The following PABIR3 variants were observed in gnomAD, a reference collection of about 807,000 sequenced individuals.
PABIR3 encodes PABIR family member 1.
A neutral mutation model predicts 23.1 loss-of-function variants in PABIR3; 20 were observed. The ratio of observed to expected loss-of-function variants is 0.86; its 90% CI spans 0.61 to 1.26. PABIR3 has a LOEUF of 1.26. PABIR3 is among the 50% of genes most tolerant of loss of function. PABIR3 has a pLI of 0.00. For missense variants in PABIR3, 189 were observed against 195.4 expected (o/e 0.97, Z 0.20); for synonymous variants, 69 against 68.5 (o/e 1.01, Z -0.04).
At chrX:134,808,797 G>A (rs974495079) in intron 2 of PABIR3, among the ~76,000 whole-genome samples, 15 of 112,401 alleles carry the variant, frequency 1.3e-4, no homozygotes, top group African/African-American at 4.2e-4. Context: ...TATTACAGAC[G>A]TGAGCCACTG....
upstream of PABIR3, among the ~76,000 whole-genome samples, chrX:134,802,557 C>T (rs2080094991): frequency 8.9e-6 from 1 of 112,342 alleles, no homozygotes; most frequent in Non-Finnish European, 1.9e-5. Flanking sequence ...TCTGAGGCTG[C>T]TTGCTATCAC....
intron 4 of PABIR3, among the ~76,000 whole-genome samples, chrX:134,843,191 G>A (rs2082300363): frequency 9.1e-6 from 1 of 109,428 alleles, no homozygotes; most frequent in South Asian, 3.9e-4. Flanking sequence ...AGAGTGACAC[G>A]CCATCTCAGA....
intron 2 of PABIR3, 54 bp from the exon 3 acceptor site, chrX:134,814,717 A>AG (rs1206214187): frequency 1.0e-6 from 1 of 1,003,732 alleles, no homozygotes; most frequent in East Asian, 3.2e-5. Flanking sequence ...AAAAAAAAAA[A>AG]AAAGAATTTT....
chrX:134,828,047 C>CTCTCTCTCTCTATATATA (rs1466733144), intron 3 of PABIR3, among the ~76,000 whole-genome samples: 1 of 49,405 alleles, frequency 2.0e-5, no homozygotes, highest in African/African-American at 8.2e-5. Flanking sequence ...CTCTCTCTCT[C>CTCTCTCTCTCTATATATA]TATATATATA....
chrX:134,822,169 G>A, intron 3 of PABIR3: 1 of 753,911 alleles, frequency 1.3e-6, no homozygotes, highest in Non-Finnish European at 1.6e-6. Context: ...TTTCTTCCTG[G>A]AGTGTGAGAA....
At chrX:134,832,383 C>T (rs779112196) in intron 4 of PABIR3, among the ~76,000 whole-genome samples, 7 of 104,347 alleles carry the variant, frequency 6.7e-5, no homozygotes, top group African/African-American at 2.1e-4. Context: ...TTGCTACAAA[C>T]GACTGGATCC....
chrX:134,843,023 A>C (rs1001955787), intron 4 of PABIR3, among the ~76,000 whole-genome samples: 1 of 109,841 alleles, frequency 9.1e-6, no homozygotes, highest in African/African-American at 3.3e-5. Context: ...CAACACGTGA[A>C]GCCCCATCTC....
the PABIR3 span, among the ~76,000 whole-genome samples, chrX:134,861,713 G>C: frequency 9.6e-6 from 1 of 103,788 alleles, no homozygotes; most frequent in South Asian, 4.8e-4. Context: ...TGCTTTTAAA[G>C]GCAAAAACCG....
chrX:134,851,261 C>T (rs1460363906), intron 9 of PABIR3, among the ~76,000 whole-genome samples: 1 of 111,376 alleles, frequency 9.0e-6, no homozygotes, highest in Non-Finnish European at 1.9e-5. Context: ...ATGGGCCGGG[C>T]ACAGTGGCTC....
Position 134,813,454 on chromosome X carries a change from G to A in PABIR3, c.111-1317G>A, listed in dbSNP as rs61306819. Among the ~76,000 whole-genome samples the A allele has an allele frequency of 6.4e-3, 714 of 112,035 alleles. 2 individuals are homozygous for A. The highest frequency in any genetic ancestry group is 0.022 in the African/African-American group (678 of 30,872). ...AAGAATCAGGTGGTTATCAGAGAGCGAGTATAGAGGTAAAATCTAAAATAC... is the reference window on the plus strand; with the variant it reads ...AAGAATCAGGTGGTTATCAGAGAGCAAGTATAGAGGTAAAATCTAAAATAC... On this transcript the variant is annotated intron_variant, in intron 2 of 10. Coordinates refer to ENST00000645433, the MANE Select transcript of PABIR3 (RefSeq NM_001388447.1).
chrX:134,822,111 A>G, intron 3 of PABIR3: 1 of 753,304 alleles, frequency 1.3e-6, no homozygotes, highest in Non-Finnish European at 1.6e-6. Context: ...TCACACCATG[A>G]CATCATTCCT....
chrX:134,851,723 G>A (rs921714353), intron 9 of PABIR3, among the ~76,000 whole-genome samples: 1 of 111,830 alleles, frequency 8.9e-6, no homozygotes, highest in Non-Finnish European at 1.9e-5. Flanking sequence ...AAAGAGAGCT[G>A]AGTAGTTTTT....
rs1377342423 is a variant in PABIR3 at position 134,854,565 on chromosome X, T to C, written c.*348T>C. ...CTTATGAAACATAATTCTGATAAAA[T>C]ATAATTGTTCAATTAACAAAGTAAA... On this transcript the variant is annotated 3_prime_UTR_variant, in exon 11 of 11. Coordinates refer to ENST00000645433, the MANE Select transcript of PABIR3 (RefSeq NM_001388447.1). 7.3e-6 allele frequency: 1 copy of C among 137,579 alleles called. No individual in the cohort carries two copies. The highest frequency in any genetic ancestry group is 1.4e-5 in the Non-Finnish European group (1 of 70,624). The allele number at this position is 137,579 out of a possible 1,213,427, so 11.3% of individuals were successfully genotyped here. A position where few individuals can be genotyped will look rare whatever the true frequency, so the allele number is the denominator to read the frequency against.
upstream of PABIR3, chrX:134,804,018 G>A (rs375948312): frequency 3.3e-6 from 1 of 299,918 alleles, no homozygotes; most frequent in Non-Finnish European, 5.9e-6. Flanking sequence ...GTAACTAAAG[G>A]TTACAACGTA....
At chrX:134,858,260 C>G (rs1254155880), downstream of PABIR3, among the ~76,000 whole-genome samples, 1 of 111,608 alleles carries the variant, frequency 9.0e-6, no homozygotes, top group African/African-American at 3.2e-5. Flanking sequence ...TTGGACAGCT[C>G]TAATATTTAG....
At chrX:134,825,003 G>T (rs1256286081) in intron 3 of PABIR3, among the ~76,000 whole-genome samples, 2 of 111,203 alleles carry the variant, frequency 1.8e-5, no homozygotes, top group Non-Finnish European at 3.8e-5. Context: ...GCCAATGCAG[G>T]TTCATTGGTT....
At chrX:134,825,828 C>CTTT (rs61066719) in intron 3 of PABIR3, among the ~76,000 whole-genome samples, 4 of 73,827 alleles carry the variant, frequency 5.4e-5, no homozygotes, top group African/African-American at 5.3e-5. Context: ...ACGCCCGGAT[C>CTTT]TTTTTTTTTT....
intron 10 of PABIR3, among the ~76,000 whole-genome samples, 174 bp from the exon 11 acceptor site, chrX:134,853,917 C>G (rs2082719138): frequency 8.9e-6 from 1 of 112,169 alleles, no homozygotes; most frequent in African/African-American, 3.2e-5. Flanking sequence ...CACACCTGGC[C>G]ATGGATTTCT....
chrX:134,807,172 A>T (rs754598250), upstream of PABIR3: 4 of 785,845 alleles, frequency 5.1e-6, no homozygotes, highest in East Asian at 4.4e-4. Flanking sequence ...TCCGGCTGAT[A>T]GCTTATCGCA....
Sources: gnomAD v4.1 joint callset for allele counts (sites outside exome capture counted in the v4.1 genomes callset) on GRCh38, gnomAD v4.1.1 for gene constraint, MANE v1.5 for transcripts, NCBI Gene and HGNC (gene_info 2026-07-23, HGNC 2026-07-21) for gene names.